IL1RAPL1: variants seen among roughly 807,000 people sequenced by gnomAD.
IL1RAPL1 encodes interleukin 1 receptor accessory protein like 1, also known as interleukin-1 receptor accessory protein-like 1.
Under a neutral mutation model 48.4 loss-of-function variants are expected in IL1RAPL1, and 3 were observed. The observed-to-expected ratio is 0.06, with a 90% CI of 0.03 to 0.16. IL1RAPL1 has a LOEUF of 0.16. Among genes scored for constraint, IL1RAPL1 ranks in the 10% least tolerant of loss-of-function variants. IL1RAPL1 has a pLI of 1.00. For missense variants in IL1RAPL1, 349 were observed against 530.6 expected (o/e 0.66, Z 3.36); for synonymous variants, 185 against 187.7 (o/e 0.99, Z 0.12).
intron 1 of IL1RAPL1, among the ~76,000 whole-genome samples, chrX:28,782,349 G>A (rs1253988614): frequency 9.0e-6 from 1 of 111,362 alleles, no homozygotes; most frequent in African/African-American, 3.3e-5. Context: ...GACATTTTAT[G>A]CCAAAATTGA....
At position 29,497,959 on chromosome X, in the gene IL1RAPL1, C is replaced by A. The variant is rs770539182; in HGVS notation, c.703+98651C>A. On this transcript the variant is annotated intron_variant, in intron 5 of 10. Coordinates refer to ENST00000378993, the MANE Select transcript of IL1RAPL1 (RefSeq NM_014271.4). ...AACATCATCCCATTCTGCCATGGGC[C>A]TTCTCACAAAAATCTTAATGAGAAA... is the stretch of plus-strand genomic sequence containing the variant. Among the ~76,000 whole-genome samples the A allele has an allele frequency of 1.0e-3, 115 of 111,375 alleles. 1 individual carries two copies. The highest frequency in any genetic ancestry group is 3.7e-3 in the African/African-American group (114 of 30,642).
chrX:29,246,150 CTTTTTTTTTT>C (rs761809643), intron 2 of IL1RAPL1, among the ~76,000 whole-genome samples: 2 of 52,031 alleles, frequency 3.8e-5, no homozygotes, highest in Non-Finnish European at 6.9e-5. Flanking sequence ...TCTCATCGCT[CTTTTTTTTTT>C]TTTTTTTTTT....
intron 5 of IL1RAPL1, among the ~76,000 whole-genome samples, chrX:29,579,297 G>A (rs1048822542): frequency 7.2e-5 from 8 of 111,864 alleles, no homozygotes; most frequent in African/African-American, 2.6e-4. Context: ...AAGCAAATGG[G>A]AGGAAATGAG....
intron 1 of IL1RAPL1, among the ~76,000 whole-genome samples, chrX:28,728,542 C>T (rs1029081263): frequency 1.8e-5 from 2 of 111,460 alleles, no homozygotes; most frequent in Non-Finnish European, 3.8e-5. Context: ...ATCGTTCTAT[C>T]TTCCAGGAAA....
intron 5 of IL1RAPL1, among the ~76,000 whole-genome samples, chrX:29,574,922 A>T (rs903066461): frequency 8.9e-6 from 1 of 112,172 alleles, no homozygotes; most frequent in Non-Finnish European, 1.9e-5. Context: ...TTGCTGAAGC[A>T]TAACAAGAGT....
chrX:28,857,589 G>T (rs1392460834), intron 2 of IL1RAPL1, among the ~76,000 whole-genome samples: 3 of 111,218 alleles, frequency 2.7e-5, no homozygotes, highest in African/African-American at 9.8e-5. Flanking sequence ...CTCTATACAT[G>T]CAAGAACAGA....
At chrX:29,706,694 G>A (rs373531705) in intron 6 of IL1RAPL1, among the ~76,000 whole-genome samples, 22 of 111,877 alleles carry the variant, frequency 2.0e-4, no homozygotes, top group African/African-American at 6.8e-4. Flanking sequence ...ATATCAAGTG[G>A]GGAAAGGACA....
chrX:28,733,471 C>T (rs1243110178), intron 1 of IL1RAPL1, among the ~76,000 whole-genome samples: 4 of 110,681 alleles, frequency 3.6e-5, no homozygotes, highest in Admixed American at 1.9e-4. Context: ...ACCAAGGTCC[C>T]GAATGTCCTC....
chrX:29,578,144 A>G (rs962577183), intron 5 of IL1RAPL1, among the ~76,000 whole-genome samples: 2 of 111,890 alleles, frequency 1.8e-5, no homozygotes, highest in African/African-American at 6.5e-5. Context: ...TGTGAGAAAA[A>G]TTGGAAATGG....
intron 6 of IL1RAPL1, among the ~76,000 whole-genome samples, chrX:29,707,443 A>G (rs905406733): frequency 4.5e-5 from 5 of 111,884 alleles, no homozygotes; most frequent in Non-Finnish European, 9.4e-5. Flanking sequence ...GTATGTACCC[A>G]GAGGAAAATA....
chrX:28,855,957 G>T (rs1216595138), intron 2 of IL1RAPL1, among the ~76,000 whole-genome samples: 1 of 111,191 alleles, frequency 9.0e-6, no homozygotes, highest in African/African-American at 3.3e-5. Context: ...AAATTCTAGG[G>T]GCTTTCAAAT....
chrX:29,716,893 ATTGT>A (rs1927499154), intron 6 of IL1RAPL1, among the ~76,000 whole-genome samples: 1 of 111,217 alleles, frequency 9.0e-6, no homozygotes, highest in Non-Finnish European at 1.9e-5. Flanking sequence ...TGAATGTAAA[ATTGT>A]TTATTTTGAA....
At chrX:28,636,742 G>C (rs771839024) in intron 1 of IL1RAPL1, among the ~76,000 whole-genome samples, 8 of 111,497 alleles carry the variant, frequency 7.2e-5, no homozygotes, top group African/African-American at 2.6e-4. Flanking sequence ...ATTGTCTGGG[G>C]TCAAAATCCT....
At chrX:29,906,343 A>AAACG (rs1181058392) in intron 6 of IL1RAPL1, among the ~76,000 whole-genome samples, 3 of 96,582 alleles carry the variant, frequency 3.1e-5, no homozygotes, top group African/African-American at 1.1e-4. Context: ...TCAAAAAAAC[A>AAACG]AACAAACAAC....
chrX:29,879,395 G>GTGTGTGTA (rs1555929712), intron 6 of IL1RAPL1, among the ~76,000 whole-genome samples: 26 of 86,874 alleles, frequency 3.0e-4, no homozygotes, highest in African/African-American at 1.3e-3. Context: ...GTGTGTGTGT[G>GTGTGTGTA]TATATATATA....
At chrX:29,665,278 A>G (rs781594507) in intron 5 of IL1RAPL1, among the ~76,000 whole-genome samples, 84 of 112,715 alleles carry the variant, frequency 7.5e-4, no homozygotes, top group African/African-American at 2.4e-3. Context: ...TCTTCGTAAC[A>G]CAAGTTGTTT....
intron 2 of IL1RAPL1, among the ~76,000 whole-genome samples, chrX:29,188,787 G>C (rs5943484): frequency 1.3e-4 from 14 of 107,965 alleles, no homozygotes; most frequent in African/African-American, 4.4e-4. Context: ...GGGTTTCACT[G>C]TCTTGGCCAG....
chrX:29,111,335 G>T (rs778985919), intron 2 of IL1RAPL1, among the ~76,000 whole-genome samples: 1 of 112,097 alleles, frequency 8.9e-6, no homozygotes, highest in Admixed American at 9.5e-5. Context: ...TTTTGAACTC[G>T]ATATAAATGT....
intron 6 of IL1RAPL1, among the ~76,000 whole-genome samples, chrX:29,718,825 A>C (rs2147124324): frequency 9.0e-6 from 1 of 110,988 alleles, no homozygotes; most frequent in African/African-American, 3.3e-5. Flanking sequence ...TTGAGGCACA[A>C]GTACACCTGT....
Sources: gnomAD v4.1 joint callset for allele counts (sites outside exome capture counted in the v4.1 genomes callset) on GRCh38, gnomAD v4.1.1 for gene constraint, MANE v1.5 for transcripts, NCBI Gene and HGNC (gene_info 2026-07-23, HGNC 2026-07-21) for gene names.